Variants in ANKAR observed in about 807,000 individuals in gnomAD.
ANKAR encodes ankyrin and armadillo repeat containing.
Under a neutral mutation model 146.2 loss-of-function variants are expected in ANKAR, and 136 were observed. The ratio of observed to expected loss-of-function variants is 0.93; its 90% CI spans 0.81 to 1.07. The LOEUF (loss-of-function observed/expected upper bound fraction) is 1.07. Among genes scored for constraint, ANKAR ranks in the 50% least tolerant of loss-of-function variants. The pLI, the probability that ANKAR is intolerant of heterozygous loss-of-function variation, is 0.00. For synonymous variants in ANKAR, 500 were observed against 575.8 expected, an observed-to-expected ratio of 0.87 and a Z score of 1.88; for missense variants, 1,567 against 1,679.9, an observed-to-expected ratio of 0.93 and a Z score of 1.18.
chr2:189,678,688 TC>T (rs1359716421), intron 2 of ANKAR, among the ~76,000 whole-genome samples: 1 of 152,208 alleles, frequency 6.6e-6, no homozygotes, highest in Non-Finnish European at 1.5e-5. Context: ...GGGTGCCCTT[TC>T]CCCACTTTAC....
In ANKAR at chr2:189,692,388, T is replaced by C; in HGVS notation, c.1173T>C (p.Pro391=). 6.2e-7 allele frequency: 1 copy of C among 1,612,110 alleles called. No homozygotes were observed. Among genetic ancestry groups the C allele is most frequent in the South Asian group, 1.1e-5 (1 of 90,388 alleles). Residue 391 remains proline (P), a synonymous_variant, in exon 4 of 23, where the codon CCT becomes CCC. Transcript: ENST00000684021. The part of the protein sequence containing the change: ...HGGIEFDIST[P]SIENALEDFQ... ...GAATTGAATTTGATATCAGCACCCC[T>C]TCAATTGAGAATGCCTTGGAAGATT...
chr2:189,700,349 A>T (rs1323759760), intron 7 of ANKAR, among the ~76,000 whole-genome samples: 1 of 152,108 alleles, frequency 6.6e-6, no homozygotes, highest in Non-Finnish European at 1.5e-5. Context: ...TTGCTTCTCT[A>T]TTAGTAATGT....
intron 7 of ANKAR, among the ~76,000 whole-genome samples, chr2:189,701,263 G>A (rs1036023939): frequency 2.0e-5 from 3 of 151,548 alleles, no homozygotes; most frequent in African/African-American, 7.3e-5. Flanking sequence ...TTGAGACAGG[G>A]TATTTATTGC....
intron 2 of ANKAR, among the ~76,000 whole-genome samples, chr2:189,685,820 A>G (rs2105776395): frequency 6.6e-6 from 1 of 152,234 alleles, no homozygotes; most frequent in East Asian, 1.9e-4. Context: ...TCATTTAACT[A>G]GTTTTCAGCA....
chr2:189,733,416 G>C (rs2042581501), intron 17 of ANKAR, among the ~76,000 whole-genome samples, 187 bp downstream of exon 17: 3 of 152,068 alleles, frequency 2.0e-5, no homozygotes, highest in Admixed American at 1.3e-4. Flanking sequence ...TTTCTGAGTT[G>C]TCCCACTTCA....
At chr2:189,754,004 G>C in intron 18 of ANKAR, 1 of 1,613,706 alleles carries the variant, frequency 6.2e-7, no homozygotes, top group Non-Finnish European at 8.5e-7. Context: ...ACATGCCATT[G>C]TGTGCTGTAC....
chr2:189,754,372 T>A, intron 18 of ANKAR: 1 of 1,558,220 alleles, frequency 6.4e-7, no homozygotes, highest in African/African-American at 1.4e-5. Flanking sequence ...TTTTTTAGAG[T>A]CATAAAATTA....
chr2:189,689,415 C>T, intron 2 of ANKAR, 112 bp from the exon 3 acceptor site: 1 of 894,862 alleles, frequency 1.1e-6, no homozygotes, highest in Middle Eastern at 3.6e-4. Flanking sequence ...TTTTCCTTTA[C>T]TGTCGTGATA....
chr2:189,741,990 T>C (rs1396073978), intron 20 of ANKAR, among the ~76,000 whole-genome samples: 1 of 152,196 alleles, frequency 6.6e-6, no homozygotes, highest in Non-Finnish European at 1.5e-5. Flanking sequence ...AAAATGGAAT[T>C]CATAGGATAG....
chr2:189,730,395 AC>A (rs1429292620), intron 15 of ANKAR, 99 bp from the exon 16 acceptor site: 1 of 576,676 alleles, frequency 1.7e-6, no homozygotes, highest in African/African-American at 1.9e-5. Flanking sequence ...TAACTGTATT[AC>A]CTTAGAATGC....
At chr2:189,693,709 C>T (rs772449688) in intron 5 of ANKAR, among the ~76,000 whole-genome samples, 1 of 151,980 alleles carries the variant, frequency 6.6e-6, no homozygotes, top group Admixed American at 6.6e-5. Flanking sequence ...CCTAGGAGTT[C>T]GAGACCAGAC....
chr2:189,699,587 A>G (rs1476596314), intron 7 of ANKAR, among the ~76,000 whole-genome samples: 1 of 152,296 alleles, frequency 6.6e-6, no homozygotes, highest in South Asian at 2.1e-4. Context: ...CATTTCATAA[A>G]TGTCATTCAT....
intron 19 of ANKAR, among the ~76,000 whole-genome samples, chr2:189,739,277 TG>T (rs2105887296): frequency 6.6e-6 from 1 of 152,320 alleles, no homozygotes; most frequent in East Asian, 1.9e-4. Flanking sequence ...AGGGTCAGAA[TG>T]AGTAATATGC....
At chr2:189,675,363 CCTTTT>C (rs1339773036) in intron 1 of ANKAR, among the ~76,000 whole-genome samples, 2 of 152,058 alleles carry the variant, frequency 1.3e-5, no homozygotes, top group Non-Finnish European at 2.9e-5. Context: ...ATGCTTCTTT[CCTTTT>C]CTTTTTCTTT....
rs150384782 is a variant in ANKAR at position 189,695,137 on chromosome 2, T to C, written c.1464T>C (p.Gly488=). 5.6e-6 allele frequency: 9 copies of C among 1,606,186 alleles called. No homozygotes were observed. The African/African-American group carries it at 1.1e-4, about 19-fold the overall frequency. ...QLHEQFKKKL[G]FKRAMKCKSI... ...ATGAACAATTTAAGAAAAAGCTTGG[T>C]TTCAAAAGAGCTATGAAATGCAAGG... Residue 488 remains glycine, a synonymous_variant, in exon 6 of 23, where the codon GGT becomes GGC. Transcript: ENST00000684021.
chr2:189,762,365 A>AG (rs2047207644), downstream of ANKAR, among the ~76,000 whole-genome samples: 1 of 152,198 alleles, frequency 6.6e-6, no homozygotes, highest in Non-Finnish European at 1.5e-5. Context: ...GTGTTAAAGC[A>AG]GGGCCTTTCT....
downstream of ANKAR, among the ~76,000 whole-genome samples, chr2:189,751,049 G>C (rs557505551): frequency 6.6e-6 from 1 of 152,210 alleles, no homozygotes; most frequent in South Asian, 2.1e-4. Context: ...AATGTCCTAG[G>C]TTTCTATAGG....
At chr2:189,701,186 TTCTC>T (rs1233426237) in intron 7 of ANKAR, among the ~76,000 whole-genome samples, 3 of 152,166 alleles carry the variant, frequency 2.0e-5, no homozygotes, top group Admixed American at 6.5e-5. Flanking sequence ...TTCTTTTCCT[TTCTC>T]TCTTTCTTCT....
chr2:189,683,559 G>A (rs1208381837), intron 2 of ANKAR, among the ~76,000 whole-genome samples: 2 of 152,204 alleles, frequency 1.3e-5, no homozygotes, highest in Admixed American at 6.5e-5. Flanking sequence ...TGTGACTCAT[G>A]GAAACTTGGC....
Sources: gnomAD v4.1 joint callset for allele counts (sites outside exome capture counted in the v4.1 genomes callset) on GRCh38, gnomAD v4.1.1 for gene constraint, MANE v1.5 for transcripts, NCBI Gene and HGNC (gene_info 2026-07-23, HGNC 2026-07-21) for gene names.